Variants in MMUT observed in about 807,000 individuals in gnomAD.
MMUT encodes the protein methylmalonyl-CoA mutase, mitochondrial.
A neutral mutation model predicts 79.9 loss-of-function variants in MMUT; 79 were observed. That is an observed-to-expected ratio of 0.99 (90% CI 0.82 to 1.19). The LOEUF (loss-of-function observed/expected upper bound fraction) is 1.19. Ranked by LOEUF, MMUT falls within the 50% of genes most tolerant of loss-of-function variation. The pLI is 0.00. For missense variants in MMUT, 860 were observed against 917.2 expected (o/e 0.94, Z 0.81); for synonymous variants, 273 against 295.7 (o/e 0.92, Z 0.79).
chr6:49,451,685 T>G lies in MMUT; in HGVS notation c.1113A>C (p.Ala371=), dbSNP rs1373936551. The change falls in exon 6 of 13, where the codon GCA becomes GCC. Residue 371 remains alanine (A), a synonymous_variant. Transcript: ENST00000274813. ...QDPYNNIVRT[A]IEAMAAVFGG... Reference sequence around the variant, plus strand: ...CAAATACTGCTGCCATTGCTTCTATTGCAGTACGGACAATATTATTGTAGG... The same window carrying G: ...CAAATACTGCTGCCATTGCTTCTATGGCAGTACGGACAATATTATTGTAGG... The G allele has an allele frequency of 3.1e-6, 5 of 1,613,918 alleles. No individual in the cohort carries two copies. Among genetic ancestry groups the G allele is most frequent in the Non-Finnish European group, 4.2e-6 (5 of 1,179,846 alleles).
intron 1 of MMUT, among the ~76,000 whole-genome samples, chr6:49,460,745 A>C (rs1366332599): frequency 2.6e-5 from 4 of 152,238 alleles, no homozygotes; most frequent in African/African-American, 9.6e-5. Flanking sequence ...CAACAAGTAA[A>C]GGGAGTTTCA....
chr6:49,448,048 T>C (rs1180631237), intron 7 of MMUT, among the ~76,000 whole-genome samples: 1 of 151,994 alleles, frequency 6.6e-6, no homozygotes, highest in East Asian at 1.9e-4. Flanking sequence ...TTCTAATAAA[T>C]CTTTTAACAC....
chr6:49,456,567 G>T (rs145593795), intron 3 of MMUT, among the ~76,000 whole-genome samples: 2 of 152,188 alleles, frequency 1.3e-5, no homozygotes, highest in African/African-American at 4.8e-5. Flanking sequence ...ACTAAATGAA[G>T]CATTTTTAAT....
At chr6:49,460,733 G>C (rs571023412) in intron 1 of MMUT, among the ~76,000 whole-genome samples, 21 of 152,270 alleles carry the variant, frequency 1.4e-4, no homozygotes, top group Middle Eastern at 3.4e-3. Context: ...TACTGGATAA[G>C]GCAACAAGTA....
chr6:49,449,454 G>T lies in MMUT; in HGVS notation c.1333-527C>A, dbSNP rs549279896. ...TTTCCCTGATGAATTCAAGAAAGAAGAATCTATATTGGATTCTACGTAAGT... is the reference window on the plus strand; with the variant it reads ...TTTCCCTGATGAATTCAAGAAAGAATAATCTATATTGGATTCTACGTAAGT... On this transcript the variant is annotated intron_variant, in intron 6 of 12. Coordinates refer to ENST00000274813, the MANE Select transcript of MMUT (RefSeq NM_000255.4). Among the ~76,000 whole-genome samples the T allele has an allele frequency of 9.2e-5, 14 of 152,142 alleles. No individual in the cohort carries two copies. In the South Asian group the frequency reaches 1.9e-3, roughly 20 times the overall value.
At chr6:49,462,662 C>G (rs1767884753) in intron 1 of MMUT, among the ~76,000 whole-genome samples, 1 of 152,124 alleles carries the variant, frequency 6.6e-6, no homozygotes, top group Non-Finnish European at 1.5e-5. Flanking sequence ...CCTGTTTACA[C>G]ACAGAAAATC....
At chr6:49,461,411 C>T (rs1213564429) in intron 1 of MMUT, among the ~76,000 whole-genome samples, 1 of 152,064 alleles carries the variant, frequency 6.6e-6, no homozygotes, top group Non-Finnish European at 1.5e-5. Flanking sequence ...ACTCAAGACA[C>T]GTAATTGTAA....
intron 11 of MMUT, among the ~76,000 whole-genome samples, chr6:49,439,734 C>T (rs1767222168): frequency 6.6e-6 from 1 of 152,072 alleles, no homozygotes; most frequent in Admixed American, 6.6e-5. Flanking sequence ...CTCAACAGGT[C>T]CCACACCACT....
intron 4 of MMUT, among the ~76,000 whole-genome samples, chr6:49,455,065 C>A (rs1333303322): frequency 6.6e-6 from 1 of 151,888 alleles, no homozygotes; most frequent in Admixed American, 6.6e-5. Flanking sequence ...CAAATCAAAT[C>A]AAAATAAACC....
chr6:49,447,592 A>G, intron 8 of MMUT, 78 bp downstream of exon 8: 1 of 802,316 alleles, frequency 1.2e-6, no homozygotes, highest in Non-Finnish European at 2.1e-6. Context: ...TAATTTAAGC[A>G]GGACAGTTTA....
At chr6:49,444,941 C>T (rs1767375509) in intron 8 of MMUT, among the ~76,000 whole-genome samples, 187 bp from the exon 9 acceptor site, 1 of 152,050 alleles carries the variant, frequency 6.6e-6, no homozygotes, top group East Asian at 1.9e-4. Flanking sequence ...CATTCATTCA[C>T]TCAGGATTTC....
At chr6:49,458,964 T>C in intron 2 of MMUT, 118 bp downstream of exon 2, 1 of 1,051,266 alleles carries the variant, frequency 9.5e-7, no homozygotes, top group Non-Finnish European at 1.4e-6. Flanking sequence ...CAGAGTATAG[T>C]CTTTAACTAC....
chr6:49,441,449 TGTTA>T (rs1455423674), intron 10 of MMUT, among the ~76,000 whole-genome samples: 36 of 151,950 alleles, frequency 2.4e-4, no homozygotes, highest in Admixed American at 7.2e-4. Flanking sequence ...GCAATATCAT[TGTTA>T]GTTAAACATC....
intron 11 of MMUT, among the ~76,000 whole-genome samples, chr6:49,436,704 A>C (rs1767141022): frequency 6.6e-6 from 1 of 152,158 alleles, no homozygotes; most frequent in Non-Finnish European, 1.5e-5. Context: ...TCAGTGATAG[A>C]CTGGATAAAG....
intron 5 of MMUT, among the ~76,000 whole-genome samples, chr6:49,452,938 AG>A (rs1767589708): frequency 6.6e-6 from 1 of 151,944 alleles, no homozygotes; most frequent in Admixed American, 6.6e-5. Flanking sequence ...TTAAATAGGC[AG>A]TTTTATGTTA....
At chr6:49,453,944 C>T (rs1388988179) in intron 4 of MMUT, among the ~76,000 whole-genome samples, 188 bp from the exon 5 acceptor site, 3 of 152,132 alleles carry the variant, frequency 2.0e-5, no homozygotes, top group Admixed American at 2.0e-4. Flanking sequence ...CAGTTTTATG[C>T]ATATGGAAGA....
chr6:49,460,746 G>A (rs1223895785), intron 1 of MMUT, among the ~76,000 whole-genome samples: 1 of 152,156 alleles, frequency 6.6e-6, no homozygotes, highest in Admixed American at 6.5e-5. Context: ...AACAAGTAAA[G>A]GGAGTTTCAA....
Position 49,431,686 on chromosome 6 carries a change from TA to T in MMUT, c.*41del. 3.8e-6 allele frequency: 6 copies of T among 1,587,006 alleles called. No individual in the cohort carries two copies. The highest frequency in any genetic ancestry group is 5.2e-6 in the Non-Finnish European group (6 of 1,156,832). On this transcript the variant is annotated 3_prime_UTR_variant, in exon 13 of 13. Transcript: ENST00000274813. Reference sequence around the variant, plus strand: ...CTTTACTCTCTTCTTTGATCATAACTAAAATAATATTTTAGACAAAAGCTAA... The same window carrying T: ...CTTTACTCTCTTCTTTGATCATAACTAAATAATATTTTAGACAAAAGCTAA...
chr6:49,443,839 T>C, intron 9 of MMUT: 1 of 422,254 alleles, frequency 2.4e-6, no homozygotes, highest in Non-Finnish European at 4.7e-6. Context: ...TGAGATTAGA[T>C]TCTGTTTTTC....
Sources: allele counts gnomAD v4.1 joint callset (sites outside exome capture counted in the v4.1 genomes callset), GRCh38; gene constraint gnomAD v4.1.1; transcripts MANE v1.5; gene names NCBI Gene and HGNC (gene_info 2026-07-23, HGNC 2026-07-21).